Variants in NUP188 observed in about 807,000 individuals in gnomAD.
NUP188 encodes the protein nucleoporin NUP188.
A neutral mutation model predicts 223.0 loss-of-function variants in NUP188; 97 were observed. That is an observed-to-expected ratio of 0.43 (90% CI 0.37 to 0.51). NUP188 has a LOEUF of 0.51. Among genes scored for constraint, NUP188 ranks in the 20% least tolerant of loss-of-function variants. The pLI, the probability that NUP188 is intolerant of heterozygous loss-of-function variation, is 0.00. For synonymous variants in NUP188, 869 were observed against 828.0 expected (o/e 1.05, Z -0.85); for missense variants, 1,947 against 2,175.6 (o/e 0.89, Z 2.09).
chr9:128,948,057 C>G (rs1841715521), intron 1 of NUP188: 1 of 302,030 alleles, frequency 3.3e-6, no homozygotes, highest in Non-Finnish European at 6.1e-6. Flanking sequence ...GGCGCCCCAC[C>G]CGCGCTTCCT....
At chr9:128,991,702 G>A (rs1047494121) in intron 25 of NUP188, among the ~76,000 whole-genome samples, 1 of 150,454 alleles carries the variant, frequency 6.6e-6, no homozygotes, top group Non-Finnish European at 1.5e-5. Flanking sequence ...AATTAGCCGG[G>A]TGTGGCTGCG....
rs1349609844 is a variant in NUP188, at chr9:128,969,532, C to T, written c.912+18C>T. ...TTTGTCAGGTGACTTGGAATAGCCT[C>T]TTTTTTTTCAGAGGGTTTATAAGTT... On this transcript the variant is annotated intron_variant, in intron 10 of 43. Coordinates refer to ENST00000372577, the MANE Select transcript of NUP188 (RefSeq NM_015354.3). The T allele has an allele frequency of 5.7e-6, 8 of 1,393,580 alleles. No individual in the cohort carries two copies. The highest frequency in any genetic ancestry group is 1.4e-5 in the South Asian group (1 of 72,800). 86.3% of individuals were successfully genotyped at this position (1,393,580 alleles called of 1,614,324 possible).
intron 12 of NUP188, among the ~76,000 whole-genome samples, chr9:128,974,266 C>T (rs1005642530): frequency 3.3e-5 from 5 of 152,024 alleles, no homozygotes; most frequent in African/African-American, 1.2e-4. Flanking sequence ...TGGTCTCAAA[C>T]TCCAGGACTT....
At chr9:128,974,773 C>CT (rs766492542) in intron 12 of NUP188, among the ~76,000 whole-genome samples, 13,244 of 141,426 alleles carry the variant, frequency 0.094, 627 homozygotes, top group East Asian at 0.23. Flanking sequence ...AACATTGTCT[C>CT]TTTTTTTTTT....
In NUP188 at chr9:128,984,962, G is replaced by A; in HGVS notation, c.2024G>A (p.Gly675Asp). The A allele has an allele frequency of 6.2e-7, 1 of 1,613,980 alleles. No individual in the cohort carries two copies. The highest frequency in any genetic ancestry group is 8.5e-7 in the Non-Finnish European group (1 of 1,179,938). The stretch of plus-strand genomic sequence containing the variant: ...TTGATGAACAGTGAACAGCCTCAGG[G>A]CGAGTATGGGGTTACTATTGCCTTT... The part of the protein sequence containing the change: ...NLLMNSEQPQ[G>D]EYGVTIAFLR... The change falls in exon 20 of 44, where the codon GGC becomes GAC. Residue 675 changes from glycine (G) to aspartate (D), a missense_variant. Coordinates refer to ENST00000372577, the MANE Select transcript of NUP188 (RefSeq NM_015354.3).
chr9:128,950,292 G>A (rs1164170790), intron 2 of NUP188, among the ~76,000 whole-genome samples: 2 of 152,008 alleles, frequency 1.3e-5, no homozygotes, highest in African/African-American at 4.8e-5. Flanking sequence ...CACGATCTTG[G>A]CTCACTGCAA....
chr9:128,995,539 TC>T, intron 30 of NUP188, 25 bp downstream of exon 30: 1 of 1,544,148 alleles, frequency 6.5e-7, no homozygotes, highest in Non-Finnish European at 8.7e-7. Flanking sequence ...GGGAGAGTTT[TC>T]ACTTTGGTAC....
rs371340892 is a variant in NUP188 at position 128,956,500 on chromosome 9, A to C, written c.246+66A>C. The C allele has an allele frequency of 1.7e-4, 129 of 770,852 alleles. 1 individual carries two copies. The African/African-American group carries it at 2.1e-3, about 13-fold the overall frequency. The allele number at this position is 770,852 out of a possible 1,614,324, so 47.8% of individuals were successfully genotyped here. A position where few individuals can be genotyped will look rare whatever the true frequency, so the allele number is the denominator to read the frequency against. ...TGTGGATGTGCGTGGTTATATTGCT[A>C]GTGATAGTGAAAATTCAGTTTCTTT... On this transcript the variant is annotated intron_variant, in intron 4 of 43. Transcript: ENST00000372577.
intron 8 of NUP188, among the ~76,000 whole-genome samples, chr9:128,965,823 T>C (rs1000886418): frequency 7.4e-5 from 11 of 149,370 alleles, no homozygotes; most frequent in African/African-American, 2.5e-4. Context: ...TTTTTTTAAA[T>C]TTTCACTCTT....
At chr9:128,990,327 T>C (rs1010114825) in intron 25 of NUP188, 101 bp downstream of exon 25, 66 of 924,354 alleles carry the variant, frequency 7.1e-5, no homozygotes, top group Non-Finnish European at 1.2e-4. Context: ...GCTTAACGCC[T>C]GTATATAATT....
At chr9:128,962,047 T>C (rs1169367520) in intron 8 of NUP188, among the ~76,000 whole-genome samples, 1 of 151,852 alleles carries the variant, frequency 6.6e-6, no homozygotes, top group Non-Finnish European at 1.5e-5. Flanking sequence ...GCAATTCTCC[T>C]GCCTCAGCCT....
At position 128,968,642 on chromosome 9, in the gene NUP188, A is replaced by G. The variant is rs1012283061; in HGVS notation, c.722A>G (p.Glu241Gly). The G allele has an allele frequency of 6.2e-7, 1 of 1,614,030 alleles. No individual in the cohort carries two copies. Among genetic ancestry groups the G allele is most frequent in the Non-Finnish European group, 8.5e-7 (1 of 1,179,992 alleles). Reference sequence around the variant, plus strand: ...CTTGTATTAACCAAGATGTTTAAAGAGCAAGGATTTGGTAGTAGGCAGACC... The same window carrying G: ...CTTGTATTAACCAAGATGTTTAAAGGGCAAGGATTTGGTAGTAGGCAGACC... ...DLLVLTKMFK[E>G]QGFGSRQTNR... Residue 241 changes from glutamate (E) to glycine (G), a missense_variant, in exon 9 of 44, where the codon GAG becomes GGG. Glu to Gly is a moderately conservative substitution (Grantham distance 98). Around this residue, in one of 3 missense-constraint regions of NUP188, gnomAD observed 817 missense variants for 865.8 expected, o/e 0.94. Coordinates refer to ENST00000372577, the MANE Select transcript of NUP188 (RefSeq NM_015354.3).
chr9:128,980,174 T>G (rs1267367862), intron 13 of NUP188, among the ~76,000 whole-genome samples: 1 of 152,210 alleles, frequency 6.6e-6, no homozygotes, highest in African/African-American at 2.4e-5. Context: ...TATTTTACCC[T>G]CTTTTTTGTA....
Position 128,983,279 on chromosome 9 carries a change from T to C in NUP188, c.1797-14T>C. On this transcript the variant is annotated splice_polypyrimidine_tract_variant and intron_variant, in intron 17 of 43. Transcript: ENST00000372577. ...ATTTGCTTTATTGAGTATAGTGTAT[T>C]GTTCTCCAACCAGGTTAACGACAGT... 3 of 1,610,064 alleles carry C rather than the reference T, an allele frequency of 1.9e-6. No individual in the cohort carries two copies. In the South Asian group the frequency reaches 3.3e-5, roughly 18 times the overall value.
intron 12 of NUP188, among the ~76,000 whole-genome samples, chr9:128,976,395 G>A (rs1186226806): frequency 6.6e-6 from 1 of 152,204 alleles, no homozygotes; most frequent in East Asian, 1.9e-4. Flanking sequence ...TAGAGGCTGG[G>A]TGTGGTGGCT....
At chr9:128,954,865 T>G (rs1490159609) in intron 3 of NUP188, among the ~76,000 whole-genome samples, 1 of 151,974 alleles carries the variant, frequency 6.6e-6, no homozygotes, top group East Asian at 1.9e-4. Flanking sequence ...TCTTTTTTTT[T>G]TTTTTGAGAT....
chr9:128,996,149 A>ATTTTTTTTTTTTTTTTTTTT (rs879374754), intron 30 of NUP188, among the ~76,000 whole-genome samples: 2 of 142,926 alleles, frequency 1.4e-5, no homozygotes, highest in African/African-American at 5.1e-5. Flanking sequence ...ATCCAGATTA[A>ATTTTTTTTTTTTTTTTTTTT]TTTTTTTTTT....
At chr9:128,951,109 C>T (rs201718433) in intron 2 of NUP188, among the ~76,000 whole-genome samples, 14 of 150,536 alleles carry the variant, frequency 9.3e-5, no homozygotes, top group African/African-American at 1.2e-4. Context: ...GTCAGGAGTT[C>T]GTGACCAGCC....
chr9:128,993,594 C>T lies in NUP188; in HGVS notation c.2917C>T (p.Arg973Ter), dbSNP rs760118635. Residue 973 changes from arginine (R) to a stop codon, truncating the protein, a stop_gained, in exon 27 of 44, where the codon CGA becomes TGA. Coordinates refer to ENST00000372577, the MANE Select transcript of NUP188 (RefSeq NM_015354.3). LOFTEE classifies it high-confidence loss of function. ...LELIDSQQQD[R>*]YWCPPLLHRA... ...GCTGATTGATTCCCAACAGCAAGAT[C>T]GATACTGGTGCCCACCCCTGCTGCA... 1.2e-6 allele frequency: 2 copies of T among 1,614,040 alleles called. No individual in the cohort carries two copies. The highest frequency in any genetic ancestry group is 1.7e-6 in the Non-Finnish European group (2 of 1,180,032).
Sources: gnomAD v4.1 joint callset for allele counts (sites outside exome capture counted in the v4.1 genomes callset) on GRCh38, gnomAD v4.1.1 for gene constraint, gnomAD v4.1.1 regional missense constraint, MANE v1.5 for transcripts, NCBI Gene and HGNC (gene_info 2026-07-23, HGNC 2026-07-21) for gene names.